The following MYT1L variants were observed in gnomAD, a reference collection of about 807,000 sequenced individuals.
MYT1L encodes the protein myelin transcription factor 1-like protein.
A neutral mutation model predicts 126.7 loss-of-function variants in MYT1L; 12 were observed. The ratio of observed to expected loss-of-function variants is 0.09; its 90% confidence interval spans 0.06 to 0.15. MYT1L has a LOEUF of 0.15. Ranked by LOEUF, MYT1L falls within the 10% of genes least tolerant of loss-of-function variation. The pLI is 1.00. For synonymous variants in MYT1L, 541 were observed against 604.2 expected, an observed-to-expected ratio of 0.90 and a Z score of 1.53; for missense variants, 979 against 1,585.2, an observed-to-expected ratio of 0.62 and a Z score of 6.49.
intron 3 of MYT1L, among the ~76,000 whole-genome samples, chr2:2,083,307 G>A (rs1402072565): frequency 6.6e-6 from 1 of 152,212 alleles, no homozygotes; most frequent in East Asian, 1.9e-4. Flanking sequence ...TTCATGAGTG[G>A]TGCCAACCAG....
At chr2:1,894,648 A>G (rs2049351386) in intron 14 of MYT1L, among the ~76,000 whole-genome samples, 1 of 151,986 alleles carries the variant, frequency 6.6e-6, no homozygotes, top group South Asian at 2.1e-4. Flanking sequence ...TTTTGAAATG[A>G]GGGAATTTCA....
chr2:1,912,048 CAT>C lies in MYT1L; in HGVS notation c.1679_1680del (p.His560ArgfsTer87). On this transcript the variant is annotated frameshift_variant, in exon 12 of 25. Transcript: ENST00000647738. LOFTEE classifies it high-confidence loss of function. This position sits in a 1 kb window ranked among gnomAD's most constrained non-coding sequence, Gnocchi z 4.3. ...CGGTGGGAGTTCCTGTTGCTGTTGA[CAT>C]GCCCGCGCCCCGTGCAGCCCGGAGT... ...CPTPGCTGRG[H>X]VNSNRNSHRS... is the part of the protein sequence containing the mutation. 1 of 1,595,932 alleles carries C rather than the reference CAT, an allele frequency of 6.3e-7. No individual in the cohort carries two copies. Among genetic ancestry groups the C allele is most frequent in the Non-Finnish European group, 8.6e-7 (1 of 1,167,778 alleles).
chr2:1,924,440 T>C (rs2053959962), intron 9 of MYT1L, among the ~76,000 whole-genome samples: 1 of 152,212 alleles, frequency 6.6e-6, no homozygotes, highest in African/African-American at 2.4e-5. Flanking sequence ...AAGAAAAATG[T>C]CTAAAGTTTA....
intron 3 of MYT1L, among the ~76,000 whole-genome samples, chr2:2,094,920 TA>T (rs201017874): frequency 6.6e-6 from 1 of 151,858 alleles, no homozygotes; most frequent in Non-Finnish European, 1.5e-5. Context: ...TTAAAGTATA[TA>T]AAAAAAAGAT....
chr2:2,252,482 G>A (rs2094679556), intron 2 of MYT1L, among the ~76,000 whole-genome samples: 1 of 152,196 alleles, frequency 6.6e-6, no homozygotes, highest in Admixed American at 6.5e-5. Flanking sequence ...CAATCCAGGA[G>A]GGACTCAGGG....
intron 2 of MYT1L, among the ~76,000 whole-genome samples, chr2:2,186,630 G>A (rs986428264): frequency 2.0e-5 from 3 of 152,072 alleles, no homozygotes; most frequent in Admixed American, 6.6e-5. Flanking sequence ...CCCATGTCCC[G>A]CCACTCCCTC....
At chr2:2,158,565 C>T (rs1489347816) in intron 3 of MYT1L, among the ~76,000 whole-genome samples, 2 of 152,006 alleles carry the variant, frequency 1.3e-5, no homozygotes, top group South Asian at 2.1e-4. Context: ...CATATCGGCA[C>T]ATGGCTCTTT....
At chr2:2,133,809 T>C (rs957931151) in intron 3 of MYT1L, among the ~76,000 whole-genome samples, 4 of 152,160 alleles carry the variant, frequency 2.6e-5, no homozygotes, top group Non-Finnish European at 5.9e-5. Context: ...CAGGCTACTT[T>C]TCCTGACTCT....
chr2:2,038,231 ACT>A (rs2149990817), intron 4 of MYT1L, among the ~76,000 whole-genome samples: 1 of 152,168 alleles, frequency 6.6e-6, no homozygotes, highest in African/African-American at 2.4e-5. Context: ...CCTTTTTATC[ACT>A]ATTATTTTAT....
chr2:1,966,506 C>A (rs1205698003), intron 8 of MYT1L, among the ~76,000 whole-genome samples: 1 of 152,092 alleles, frequency 6.6e-6, no homozygotes, highest in Non-Finnish European at 1.5e-5. Flanking sequence ...GGAAACAGAA[C>A]CCTCCATGCC....
intron 2 of MYT1L, among the ~76,000 whole-genome samples, chr2:2,271,803 A>T (rs1313585039): frequency 4.6e-5 from 7 of 152,200 alleles, no homozygotes; most frequent in Admixed American, 4.6e-4. Flanking sequence ...TGCCATGCCC[A>T]TGACCTCATT....
At chr2:2,023,247 C>G (rs2065205462) in intron 4 of MYT1L, among the ~76,000 whole-genome samples, 1 of 152,212 alleles carries the variant, frequency 6.6e-6, no homozygotes, top group Non-Finnish European at 1.5e-5. Context: ...GAATCCTAGA[C>G]ACCAGCTGCC....
intron 4 of MYT1L, among the ~76,000 whole-genome samples, chr2:2,006,020 ATGCGTTCTTTCC>A (rs2063286602): frequency 6.7e-5 from 10 of 149,946 alleles, no homozygotes; most frequent in African/African-American, 2.2e-4. Flanking sequence ...TCTTTCCTGC[ATGCGTTCTTTCC>A]TGCAGGTGTT....
intron 8 of MYT1L, among the ~76,000 whole-genome samples, chr2:1,971,429 A>C (rs1208567566): frequency 1.3e-5 from 2 of 152,056 alleles, no homozygotes; most frequent in Non-Finnish European, 2.9e-5. Context: ...TGCAACCACC[A>C]CCCAAAAGAG....
intron 8 of MYT1L, among the ~76,000 whole-genome samples, chr2:1,967,854 C>G (rs541056555): frequency 1.3e-5 from 2 of 152,228 alleles, no homozygotes; most frequent in East Asian, 3.9e-4. Flanking sequence ...ACCAGAAGGG[C>G]CTCCTGCAGG....
At chr2:2,327,620 C>A (rs2096258355) in intron 1 of MYT1L, among the ~76,000 whole-genome samples, 1 of 152,148 alleles carries the variant, frequency 6.6e-6, no homozygotes, top group African/African-American at 2.4e-5. Context: ...ATTCATTTGC[C>A]TCCTGAACAG....
In MYT1L at chr2:1,852,961, G is replaced by A. The variant is rs528118015; in HGVS notation, c.2712-1258C>T. On this transcript the variant is annotated intron_variant, in intron 18 of 24. Coordinates refer to ENST00000647738, the MANE Select transcript of MYT1L (RefSeq NM_001303052.2). This position sits in a 1 kb window ranked among gnomAD's most constrained non-coding sequence, Gnocchi z 4.0. The stretch of plus-strand genomic sequence containing the variant: ...ACGGCAAAGTGCTTGCTTACAGGTG[G>A]GCTTTCTCAAGATCAGAGGAGAATG... Among the ~76,000 whole-genome samples, 1 of 152,298 alleles carries A rather than the reference G, an allele frequency of 6.6e-6. No individual in the cohort carries two copies. Among genetic ancestry groups the A allele is most frequent in the South Asian group, 2.1e-4 (1 of 4,820 alleles).
chr2:2,289,210 G>T (rs371452130), intron 1 of MYT1L, among the ~76,000 whole-genome samples: 1 of 152,114 alleles, frequency 6.6e-6, no homozygotes, highest in Non-Finnish European at 1.5e-5. Flanking sequence ...GTCTGGCTAG[G>T]GTGGGAATAC....
At chr2:1,934,791 T>C (rs1326329302) in intron 9 of MYT1L, among the ~76,000 whole-genome samples, 1 of 151,676 alleles carries the variant, frequency 6.6e-6, no homozygotes, top group Non-Finnish European at 1.5e-5. Flanking sequence ...AAAGACTTTC[T>C]GGATCAGTTG....
Sources: allele counts gnomAD v4.1 joint callset (sites outside exome capture counted in the v4.1 genomes callset), GRCh38; gene constraint gnomAD v4.1.1; non-coding constraint Gnocchi (gnomAD v3.1); transcripts MANE v1.5; gene names NCBI Gene and HGNC (gene_info 2026-07-23, HGNC 2026-07-21).